Variants in KRTAP27-1 observed in about 807,000 individuals in gnomAD.
KRTAP27-1 encodes the protein keratin-associated protein 27-1.
Under a neutral mutation model 0.5 loss-of-function variants are expected in KRTAP27-1, and 1 was observed. That is an observed-to-expected ratio of 1.90 (90% CI 0.68 to 9.03). The LOEUF (loss-of-function observed/expected upper bound fraction) is 9.03, where lower values mean the gene tolerates loss of function less well. Among genes scored for constraint, KRTAP27-1 ranks in the 30% most tolerant of loss-of-function variants. KRTAP27-1 has a pLI of 0.13. For synonymous variants in KRTAP27-1, 103 were observed against 88.9 expected (o/e 1.16, Z -0.89); for missense variants, 264 against 244.2 (o/e 1.08, Z -0.54).
chr21:30,337,690 T>C lies in KRTAP27-1; in HGVS notation c.-22A>G, dbSNP rs779944544. 23 of 1,602,708 alleles carry C rather than the reference T, an allele frequency of 1.4e-5. No homozygotes were observed. The highest frequency in any genetic ancestry group is 1.9e-5 in the Non-Finnish European group (22 of 1,171,298). Reference sequence around the variant, plus strand: ...GCATATTGCTAAAAATCCTTAAAGATGGTCATAAGGACTCAACATGCTGAG... The same window carrying C: ...GCATATTGCTAAAAATCCTTAAAGACGGTCATAAGGACTCAACATGCTGAG... On this transcript the variant is annotated 5_prime_UTR_variant, in exon 1 of 1. Transcript: ENST00000382835.
Position 30,337,425 on chromosome 21 carries a change from G to A in KRTAP27-1, c.244C>T (p.Pro82Ser), listed in dbSNP as rs1982063271. The change falls in exon 1 of 1, where the codon CCC becomes TCC. Residue 82 changes from proline (P) to serine (S), a missense_variant. Transcript: ENST00000382835. The stretch of plus-strand genomic sequence containing the variant: ...GAGTAAGTAGTTTGGACAACTCCGG[G>A]GAAGCAGTTACTTTGCACACAGCTA... ...DDSCVQSNCFPGVVQTTYSNS... is the reference protein window; with the variant it reads ...DDSCVQSNCFSGVVQTTYSNS... The A allele has an allele frequency of 1.2e-6, 2 of 1,613,994 alleles. No homozygotes were observed. Among genetic ancestry groups the A allele is most frequent in the African/African-American group, 1.3e-5 (1 of 74,916 alleles).
rs1982056844 is a variant in KRTAP27-1, at chr21:30,337,272, G to A, written c.397C>T (p.Pro133Ser). 6.2e-7 allele frequency: 1 copy of A among 1,614,206 alleles called. No individual in the cohort carries two copies. Among genetic ancestry groups the A allele is most frequent in the Non-Finnish European group, 8.5e-7 (1 of 1,180,036 alleles). ...CAACTGTTTCCCTTGAGGCTTGCAG[G>A]TTGGCAGCTCTGGGCTACAAAACCC... ...QMGFVAQSCQPASLKGNSCPP... is the reference protein window; with the variant it reads ...QMGFVAQSCQSASLKGNSCPP... Residue 133 changes from proline (P) to serine (S), a missense_variant, in exon 1 of 1, where the codon CCT (proline) becomes TCT (serine). Transcript: ENST00000382835.
Position 30,337,034 on chromosome 21 carries a change from C to T in KRTAP27-1, c.*11G>A, listed in dbSNP as rs779233336. The T allele has an allele frequency of 2.6e-6, 4 of 1,566,810 alleles. No individual in the cohort carries two copies. The highest frequency in any genetic ancestry group is 3.5e-6 in the Non-Finnish European group (4 of 1,155,630). ...CCAAATGAGAATATAAGCCATCTCC[C>T]CTACAGATCTTCACTTACTAGGCAA... is the stretch of plus-strand genomic sequence containing the variant. On this transcript the variant is annotated 3_prime_UTR_variant, in exon 1 of 1. Transcript: ENST00000382835.
rs376929358 is a variant in KRTAP27-1, at chr21:30,337,453, G to A, written c.216C>T (p.Asp72=). The A allele has an allele frequency of 8.7e-6, 14 of 1,614,018 alleles. No homozygotes were observed. Among genetic ancestry groups the A allele is most frequent in the African/African-American group, 2.7e-5 (2 of 74,918 alleles). Residue 72 remains aspartate (D), a synonymous_variant, in exon 1 of 1, where the codon GAC becomes GAT. Transcript: ENST00000382835. ...AGCAGTTACTTTGCACACAGCTATC[G>A]TCTGTGAATAAGTCCTGTTCACAAT... ...MTNCEQDLFT[D]DSCVQSNCFP...
In KRTAP27-1 at chr21:30,337,665, G is replaced by T. The variant is rs1366292167; in HGVS notation, c.4C>A (p.Pro2Thr). 6.2e-7 allele frequency: 1 copy of T among 1,608,152 alleles called. No homozygotes were observed. The highest frequency in any genetic ancestry group is 8.5e-7 in the Non-Finnish European group (1 of 1,175,314). Reference sequence around the variant, plus strand: ...CTGAGTGAATGGCAGTGGCTATGAGGCATATTGCTAAAAATCCTTAAAGAT... The same window carrying T: ...CTGAGTGAATGGCAGTGGCTATGAGTCATATTGCTAAAAATCCTTAAAGAT... M[P>T]HSHCHSLRSF... The change falls in exon 1 of 1, where the codon CCT becomes ACT. Residue 2 changes from proline to threonine, a missense_variant. Coordinates refer to ENST00000382835, the MANE Select transcript of KRTAP27-1 (RefSeq NM_001077711.1).
rs1982066237 is a variant in KRTAP27-1 at position 30,337,511 on chromosome 21, G to T, written c.158C>A (p.Thr53Asn). 8 of 1,614,158 alleles carry T rather than the reference G, an allele frequency of 5.0e-6. No homozygotes were observed. Among genetic ancestry groups the T allele is most frequent in the Non-Finnish European group, 6.8e-6 (8 of 1,180,040 alleles). The change falls in exon 1 of 1, where the codon ACC (threonine) becomes AAC (asparagine). Residue 53 changes from threonine to asparagine, a missense_variant. Transcript: ENST00000382835. ...RTCFLDNFQE[T>N]CNETTSCQMT... ...TTGGCAGCTGGTGGTTTCATTGCAG[G>T]TTTCTTGAAAGTTGTCCAGGAAACA...
Position 30,337,195 on chromosome 21 carries a change from A to C in KRTAP27-1, c.474T>G (p.Ser158=), listed in dbSNP as rs764560535. 1 of 1,614,164 alleles carries C rather than the reference A, an allele frequency of 6.2e-7. No homozygotes were observed. The highest frequency in any genetic ancestry group is 1.3e-5 in the African/African-American group (1 of 75,040). ...TCTGAGACTGACACTGACATTGGCT[A>C]GATGCACGTTCCAGAGTTTCGAAAT... ...SKNFETLERA[S]SQCQCQSQNP... is the part of the protein sequence containing the mutation. Residue 158 remains serine, a synonymous_variant, in exon 1 of 1, where the codon TCT becomes TCG. Transcript: ENST00000382835.
Position 30,337,212 on chromosome 21 carries a change from T to C in KRTAP27-1, c.457A>G (p.Thr153Ala). ...CATTGGCTAGATGCACGTTCCAGAG[T>C]TTCGAAATTTTTAGACTTAGAAGTC... The part of the protein sequence containing the change: ...PKTSKSKNFE[T>A]LERASSQCQC... Residue 153 changes from threonine (T) to alanine (A), a missense_variant, in exon 1 of 1, where the codon ACT becomes GCT. Coordinates refer to ENST00000382835, the MANE Select transcript of KRTAP27-1 (RefSeq NM_001077711.1). 6.2e-7 allele frequency: 1 copy of C among 1,613,740 alleles called. No individual in the cohort carries two copies.
chr21:30,337,102 A>T lies in KRTAP27-1; in HGVS notation c.567T>A (p.Ser189=). ...CACAGCAAGTTGGTTCAACTCCTGGAGAAGATTCCAGGAGTTGTGGCTCAG... is the reference window on the plus strand; with the variant it reads ...CACAGCAAGTTGGTTCAACTCCTGGTGAAGATTCCAGGAGTTGTGGCTCAG... ...VAPEPQLLES[S]PGVEPTCCVT... is the part of the protein sequence containing the mutation. Residue 189 remains serine (S), a synonymous_variant, in exon 1 of 1, where the codon TCT becomes TCA. Transcript: ENST00000382835. The T allele has an allele frequency of 1.2e-6, 2 of 1,613,768 alleles. No homozygotes were observed. The highest frequency in any genetic ancestry group is 1.7e-6 in the Non-Finnish European group (2 of 1,179,708).
At position 30,337,057 on chromosome 21, in the gene KRTAP27-1, C is replaced by A; in HGVS notation, c.612G>T (p.Leu204Phe). Reference sequence around the variant, plus strand: ...CCCCTACAGATCTTCACTTACTAGGCAATTGAGAACCACCAGTAACACAGC... The same window carrying A: ...CCCCTACAGATCTTCACTTACTAGGAAATTGAGAACCACCAGTAACACAGC... Reference protein sequence around the residue: ...PTCCVTGGSQLPSK With the variant: ...PTCCVTGGSQFPSK Residue 204 changes from leucine (L) to phenylalanine (F), a missense_variant, in exon 1 of 1, where the codon TTG (leucine) becomes TTT (phenylalanine). Coordinates refer to ENST00000382835, the MANE Select transcript of KRTAP27-1 (RefSeq NM_001077711.1). 1 of 1,594,948 alleles carries A rather than the reference C, an allele frequency of 6.3e-7. No homozygotes were observed. The highest frequency in any genetic ancestry group is 8.6e-7 in the Non-Finnish European group (1 of 1,168,030).
rs1568823297 is a variant in KRTAP27-1 at position 30,337,641 on chromosome 21, T to C, written c.28A>G (p.Arg10Gly). Residue 10 changes from arginine (R) to glycine (G), a missense_variant, in exon 1 of 1, where the codon AGG (arginine) becomes GGG (glycine). Transcript: ENST00000382835. ...AGTGGTGGGGCATTGTGGAAGCTCC[T>C]GAGTGAATGGCAGTGGCTATGAGGC... MPHSHCHSL[R>G]SFHNAPPLSA... The C allele has an allele frequency of 1.9e-6, 3 of 1,613,390 alleles. No homozygotes were observed. The highest frequency in any genetic ancestry group is 2.5e-6 in the Non-Finnish European group (3 of 1,179,358).
At position 30,337,242 on chromosome 21, in the gene KRTAP27-1, G is replaced by T; in HGVS notation, c.427C>A (p.Pro143Thr). The T allele has an allele frequency of 6.2e-7, 1 of 1,614,138 alleles. No homozygotes were observed. The highest frequency in any genetic ancestry group is 1.1e-5 in the South Asian group (1 of 91,084). Residue 143 changes from proline to threonine, a missense_variant, in exon 1 of 1, where the codon CCC becomes ACC. Pro to Thr is a conservative substitution (Grantham distance 38). Coordinates refer to ENST00000382835, the MANE Select transcript of KRTAP27-1 (RefSeq NM_001077711.1). Reference sequence around the variant, plus strand: ...AAATTTTTAGACTTAGAAGTCTTGGGTGGGCAACTGTTTCCCTTGAGGCTT... The same window carrying T: ...AAATTTTTAGACTTAGAAGTCTTGGTTGGGCAACTGTTTCCCTTGAGGCTT... ...PASLKGNSCP[P>T]KTSKSKNFET...
Position 30,337,603 on chromosome 21 carries a change from T to C in KRTAP27-1, c.66A>G (p.Thr22=). Residue 22 remains threonine (T), a synonymous_variant, in exon 1 of 1, where the codon ACA becomes ACG. Transcript: ENST00000382835. The part of the protein sequence containing the change: ...FHNAPPLSAI[T]HGTNPITFED... ...CAAAGGTTATAGGATTAGTGCCATG[T>C]GTGATGGCAGAGAGTGGTGGGGCAT... is the stretch of plus-strand genomic sequence containing the variant. 6.2e-7 allele frequency: 1 copy of C among 1,613,600 alleles called. No homozygotes were observed. The highest frequency in any genetic ancestry group is 8.5e-7 in the Non-Finnish European group (1 of 1,179,510).
chr21:30,337,061 T>G lies in KRTAP27-1; in HGVS notation c.608A>C (p.Gln203Pro), dbSNP rs746873351. ...TACAGATCTTCACTTACTAGGCAAT[T>G]GAGAACCACCAGTAACACAGCAAGT... ...EPTCCVTGGS[Q>P]LPSK Residue 203 changes from glutamine to proline, a missense_variant, in exon 1 of 1, where the codon CAA becomes CCA. By Grantham distance (76) the Gln-to-Pro change is moderately conservative. Transcript: ENST00000382835. 43 of 1,598,396 alleles carry G rather than the reference T, an allele frequency of 2.7e-5. No individual in the cohort carries two copies. In the Middle Eastern group the frequency reaches 6.7e-4, roughly 25 times the overall value.
At position 30,337,687 on chromosome 21, in the gene KRTAP27-1, A is replaced by G; in HGVS notation, c.-19T>C. 6.2e-7 allele frequency: 1 copy of G among 1,603,686 alleles called. No homozygotes were observed. The highest frequency in any genetic ancestry group is 8.5e-7 in the Non-Finnish European group (1 of 1,171,988). On this transcript the variant is annotated 5_prime_UTR_variant, in exon 1 of 1. Transcript: ENST00000382835. ...GAGGCATATTGCTAAAAATCCTTAA[A>G]GATGGTCATAAGGACTCAACATGCT... is the stretch of plus-strand genomic sequence containing the variant.
chr21:30,337,658 C>T lies in KRTAP27-1; in HGVS notation c.11G>A (p.Ser4Asn), dbSNP rs373116371. ...GAAGCTCCTGAGTGAATGGCAGTGG[C>T]TATGAGGCATATTGCTAAAAATCCT... MPH[S>N]HCHSLRSFHN... is the part of the protein sequence containing the mutation. The change falls in exon 1 of 1, where the codon AGC (serine) becomes AAC (asparagine). Residue 4 changes from serine (S) to asparagine (N), a missense_variant. Coordinates refer to ENST00000382835, the MANE Select transcript of KRTAP27-1 (RefSeq NM_001077711.1). 8 of 1,610,456 alleles carry T rather than the reference C, an allele frequency of 5.0e-6. No homozygotes were observed. In the East Asian group the frequency reaches 1.8e-4, roughly 36 times the overall value.
chr21:30,337,332 A>T lies in KRTAP27-1; in HGVS notation c.337T>A (p.Ser113Thr). Residue 113 changes from serine (S) to threonine (T), a missense_variant, in exon 1 of 1, where the codon TCT (serine) becomes ACT (threonine). Ser to Thr is a moderately conservative substitution (Grantham distance 58). Transcript: ENST00000382835. The part of the protein sequence containing the change: ...ESSSAGLACV[S>T]QPCQSESTQQ... ...GTGCTTTCTGATTGGCAAGGCTGAG[A>T]AACACAAGCCAGCCCTGCTGAAGAA... 1 of 1,614,238 alleles carries T rather than the reference A, an allele frequency of 6.2e-7. No individual in the cohort carries two copies. Among genetic ancestry groups the T allele is most frequent in the Middle Eastern group, 1.6e-4 (1 of 6,062 alleles).
chr21:30,337,665 G>A lies in KRTAP27-1; in HGVS notation c.4C>T (p.Pro2Ser), dbSNP rs1366292167. The A allele has an allele frequency of 1.9e-6, 3 of 1,608,152 alleles. No homozygotes were observed. The highest frequency in any genetic ancestry group is 2.6e-6 in the Non-Finnish European group (3 of 1,175,314). The change falls in exon 1 of 1, where the codon CCT becomes TCT. Residue 2 changes from proline to serine, a missense_variant. By Grantham distance (74) the Pro-to-Ser change is moderately conservative. Transcript: ENST00000382835. ...CTGAGTGAATGGCAGTGGCTATGAG[G>A]CATATTGCTAAAAATCCTTAAAGAT... Reference protein sequence around the residue: MPHSHCHSLRSF... With the variant: MSHSHCHSLRSF...
In KRTAP27-1 at chr21:30,337,564, A is replaced by G; in HGVS notation, c.105T>C (p.Cys35=). 6.2e-7 allele frequency: 1 copy of G among 1,614,142 alleles called. No individual in the cohort carries two copies. The highest frequency in any genetic ancestry group is 1.6e-4 in the Middle Eastern group (1 of 6,062). Residue 35 remains cysteine, a synonymous_variant, in exon 1 of 1, where the codon TGT becomes TGC. Coordinates refer to ENST00000382835, the MANE Select transcript of KRTAP27-1 (RefSeq NM_001077711.1). ...TTCTGCTATGGAAGCTGCTGGGCAA[A>G]CACAATCTGTCTTCAAAGGTTATAG... ...TNPITFEDRL[C]LPSSFHSRTC...
Sources: gnomAD v4.1 joint callset for allele counts on GRCh38, gnomAD v4.1.1 for gene constraint, MANE v1.5 for transcripts, NCBI Gene and HGNC (gene_info 2026-07-23, HGNC 2026-07-21) for gene names.